The following PAFAH1B1 variants were observed in gnomAD, a reference collection of about 807,000 sequenced individuals.
The protein encoded by PAFAH1B1 is platelet activating factor acetylhydrolase 1b regulatory subunit 1.
PAFAH1B1 carries 2 observed loss-of-function variants against 57.5 expected under a neutral mutation model. That is an observed-to-expected ratio of 0.03 (90% CI 0.01 to 0.11). The LOEUF (loss-of-function observed/expected upper bound fraction) is 0.11, where lower values mean the gene tolerates loss of function less well. Among genes scored for constraint, PAFAH1B1 ranks in the 10% least tolerant of loss-of-function variants. PAFAH1B1 has a pLI of 1.00. For synonymous variants in PAFAH1B1, 152 were observed against 169.6 expected, an observed-to-expected ratio of 0.90 and a Z score of 0.81; for missense variants, 257 against 512.0, an observed-to-expected ratio of 0.50 and a Z score of 4.81.
chr17:2,659,916 A>G (rs1029743), intron 2 of PAFAH1B1, among the ~76,000 whole-genome samples: 91,920 of 152,062 alleles, frequency 0.6, 29,438 homozygotes, highest in East Asian at 0.88. Context: ...GATCCCCTGT[A>G]TATCTCTGCC....
chr17:2,677,874 A>AATAAATAT (rs1597578591), intron 9 of PAFAH1B1, among the ~76,000 whole-genome samples: 1 of 151,668 alleles, frequency 6.6e-6, no homozygotes, highest in East Asian at 1.9e-4. Context: ...TAAATAAATA[A>AATAAATAT]ATAAAAAGAA....
intron 1 of PAFAH1B1, among the ~76,000 whole-genome samples, chr17:2,623,300 C>A (rs1395523949): frequency 7.3e-6 from 1 of 136,990 alleles, no homozygotes; most frequent in African/African-American, 2.7e-5. Context: ...GAGGGAGTCT[C>A]ACTCTGTCGC....
intron 1 of PAFAH1B1, among the ~76,000 whole-genome samples, chr17:2,594,704 T>C (rs1336812445): frequency 6.6e-6 from 1 of 152,234 alleles, no homozygotes; most frequent in African/African-American, 2.4e-5. Context: ...GGCAGGATTT[T>C]CTTTCTGCCA....
At chr17:2,656,442 C>T (rs1186452018) in intron 2 of PAFAH1B1, among the ~76,000 whole-genome samples, 1 of 151,696 alleles carries the variant, frequency 6.6e-6, no homozygotes, top group Non-Finnish European at 1.5e-5. Flanking sequence ...AGAGCAAGAC[C>T]TCATCTTTTT....
In PAFAH1B1 at chr17:2,594,153, CCTT is replaced by C. The variant is rs967267147; in HGVS notation, c.-191+156_-191+158del. 272 of 395,012 alleles carry C rather than the reference CCTT, an allele frequency of 6.9e-4. 1 individual carries two copies. The highest frequency in any genetic ancestry group is 9.1e-4 in the Non-Finnish European group (205 of 224,104). 24.5% of individuals were successfully genotyped at this position (395,012 alleles called of 1,614,324 possible). A position where few individuals can be genotyped will look rare whatever the true frequency, so the allele number is the denominator to read the frequency against. On this transcript the variant is annotated intron_variant, in intron 1 of 10. Coordinates refer to ENST00000397195, the MANE Select transcript of PAFAH1B1 (RefSeq NM_000430.4). ...CCCCCTGCCTCCGCCGCCGCCTCCT[CCTT>C]CTTCTTCTCTCCTCGCTCTCAAAAT...
At chr17:2,612,905 C>T (rs1017640122) in intron 1 of PAFAH1B1, among the ~76,000 whole-genome samples, 1 of 152,114 alleles carries the variant, frequency 6.6e-6, no homozygotes, top group South Asian at 2.1e-4. Flanking sequence ...CCAGCATGCC[C>T]GGCCTGCCAC....
chr17:2,684,122 G>GT lies in PAFAH1B1; in HGVS notation c.*2322dup, dbSNP rs1176372185. ...TTGCCACAGCCTGCTGCTGAGTTGAGTTACCAGACATCCTCCATGTGAGAA... is the reference window on the plus strand; with the variant it reads ...TTGCCACAGCCTGCTGCTGAGTTGAGTTTACCAGACATCCTCCATGTGAGAA... On this transcript the variant is annotated 3_prime_UTR_variant, in exon 11 of 11. Coordinates refer to ENST00000397195, the MANE Select transcript of PAFAH1B1 (RefSeq NM_000430.4). 5 of 152,646 alleles carry GT rather than the reference G, an allele frequency of 3.3e-5. No homozygotes were observed. The highest frequency in any genetic ancestry group is 1.2e-4 in the African/African-American group (5 of 41,460). The allele number at this position is 152,646 out of a possible 1,614,324, so 9.5% of individuals were successfully genotyped here. A position where few individuals can be genotyped will look rare whatever the true frequency, so the allele number is the denominator to read the frequency against.
chr17:2,613,341 G>C (rs1030320727), intron 1 of PAFAH1B1: 1 of 225,314 alleles, frequency 4.4e-6, no homozygotes, highest in African/African-American at 2.3e-5. Flanking sequence ...CCATTTTCTT[G>C]CTTGGGCGAA....
At position 2,598,054 on chromosome 17, in the gene PAFAH1B1, A is replaced by G. The variant is rs144414689; in HGVS notation, c.-191+4048A>G. Among the ~76,000 whole-genome samples the G allele has an allele frequency of 3.3e-3, 502 of 151,982 alleles. 4 individuals carry two copies. Among genetic ancestry groups the G allele is most frequent in the African/African-American group, 0.011 (455 of 41,482 alleles). On this transcript the variant is annotated intron_variant, in intron 1 of 10. Transcript: ENST00000397195. Reference sequence around the variant, plus strand: ...CTGAGGTCAGGAGTTCAAGACCAGCATGGCCAACATGGTGAAACCCCGTCT... The same window carrying G: ...CTGAGGTCAGGAGTTCAAGACCAGCGTGGCCAACATGGTGAAACCCCGTCT...
intron 1 of PAFAH1B1, among the ~76,000 whole-genome samples, chr17:2,619,837 T>G (rs899457269): frequency 6.6e-6 from 1 of 152,190 alleles, no homozygotes; most frequent in East Asian, 1.9e-4. Flanking sequence ...TGGAGTACCG[T>G]GGTTTGATCG....
chr17:2,623,022 A>G (rs1213637802), intron 1 of PAFAH1B1, among the ~76,000 whole-genome samples: 1 of 152,174 alleles, frequency 6.6e-6, no homozygotes, highest in Non-Finnish European at 1.5e-5. Flanking sequence ...TGGCTGGGAC[A>G]CAGGGTACCA....
intron 6 of PAFAH1B1, among the ~76,000 whole-genome samples, chr17:2,671,212 G>A (rs1173579577): frequency 1.3e-5 from 2 of 151,794 alleles, no homozygotes; most frequent in Admixed American, 6.6e-5. Flanking sequence ...GTTGTTTTTT[G>A]GTTGTTTTTT....
rs886052710 is a variant in PAFAH1B1, at chr17:2,594,005, C to T, written c.-192C>T. ...CTGCGGAGGCGGCGGTGCAGCGCTC[C>T]GGTAAGGCGGCGCGGGTCTGCGCCC... is the stretch of plus-strand genomic sequence containing the variant. On this transcript the variant is annotated splice_region_variant and 5_prime_UTR_variant, in exon 1 of 11. Coordinates refer to ENST00000397195, the MANE Select transcript of PAFAH1B1 (RefSeq NM_000430.4). The T allele has an allele frequency of 5.0e-6, 2 of 397,630 alleles. No homozygotes were observed. The highest frequency in any genetic ancestry group is 8.9e-6 in the Non-Finnish European group (2 of 225,924). 24.6% of individuals were successfully genotyped at this position (397,630 alleles called of 1,614,324 possible).
chr17:2,607,033 C>T (rs2068213463), intron 1 of PAFAH1B1, among the ~76,000 whole-genome samples: 2 of 151,608 alleles, frequency 1.3e-5, no homozygotes, highest in Non-Finnish European at 2.9e-5. Flanking sequence ...ACCATGTTAG[C>T]TAGGATGGTC....
intron 1 of PAFAH1B1, among the ~76,000 whole-genome samples, chr17:2,618,830 T>G (rs1476750094): frequency 1.3e-5 from 2 of 148,618 alleles, no homozygotes; most frequent in East Asian, 4.3e-4. Context: ...GAGAATCACT[T>G]GAACCCGGGA....
chr17:2,593,495 A>G (rs1391192792), upstream of PAFAH1B1, among the ~76,000 whole-genome samples: 2 of 151,314 alleles, frequency 1.3e-5, no homozygotes, highest in Non-Finnish European at 3.0e-5. Flanking sequence ...GCCCGCTAGA[A>G]GGCAGCGCGG....
intron 2 of PAFAH1B1, among the ~76,000 whole-genome samples, chr17:2,658,653 G>T (rs2068971656): frequency 6.6e-6 from 1 of 152,012 alleles, no homozygotes; most frequent in African/African-American, 2.4e-5. Flanking sequence ...GAAGATAAAG[G>T]TCCACTCACC....
intron 2 of PAFAH1B1, among the ~76,000 whole-genome samples, chr17:2,663,164 G>C (rs888834598): frequency 5.9e-5 from 9 of 152,066 alleles, no homozygotes; most frequent in African/African-American, 2.2e-4. Context: ...TGTAGTCCCA[G>C]CTACTGGGGA....
chr17:2,685,496 C>G lies in PAFAH1B1; in HGVS notation c.*3694C>G, dbSNP rs570821627. On this transcript the variant is annotated 3_prime_UTR_variant, in exon 11 of 11. Transcript: ENST00000397195. ...AAAGGAATGTATATAATATTGCTCT[C>G]GTGTTTTACAGTAAGATTTGTTGCT... 6.6e-6 allele frequency: 1 copy of G among 152,486 alleles called. No individual in the cohort carries two copies. Among genetic ancestry groups the G allele is most frequent in the South Asian group, 2.1e-4 (1 of 4,822 alleles). 9.4% of individuals were successfully genotyped at this position (152,486 alleles called of 1,614,324 possible). A position where few individuals can be genotyped will look rare whatever the true frequency, so the allele number is the denominator to read the frequency against.
Sources: gnomAD v4.1 joint callset for allele counts (sites outside exome capture counted in the v4.1 genomes callset) on GRCh38, gnomAD v4.1.1 for gene constraint, MANE v1.5 for transcripts, NCBI Gene and HGNC (gene_info 2026-07-23, HGNC 2026-07-21) for gene names.